The following PCED1B variants were observed in gnomAD, a reference collection of about 807,000 sequenced individuals.
The protein encoded by PCED1B is PC-esterase domain containing 1B.
For synonymous variants in PCED1B, 251 were observed against 246.1 expected, an observed-to-expected ratio of 1.02 and a Z score of -0.19; for missense variants, 573 against 573.9, an observed-to-expected ratio of 1.00 and a Z score of 0.02.
chr12:47,210,362 CAAAAT>C (rs1943039755), intron 2 of PCED1B: 1 of 152,104 alleles, frequency 6.6e-6, no homozygotes, highest in Admixed American at 6.6e-5. Context: ...TCATGACTAA[CAAAAT>C]AGAATATTGA....
chr12:47,140,164 TC>T (rs1408786142), intron 2 of PCED1B, among the ~76,000 whole-genome samples: 1 of 152,224 alleles, frequency 6.6e-6, no homozygotes, highest in East Asian at 1.9e-4. Context: ...ATTTTGCTTA[TC>T]AAATAATCTA....
At chr12:47,095,000 G>A (rs1414971142) in intron 1 of PCED1B, among the ~76,000 whole-genome samples, 2 of 149,772 alleles carry the variant, frequency 1.3e-5, no homozygotes, top group African/African-American at 2.5e-5. Flanking sequence ...TCAACCTCCT[G>A]GGCTCAAGCA....
intron 1 of PCED1B, among the ~76,000 whole-genome samples, chr12:47,088,650 G>C (rs561294420): frequency 6.6e-6 from 1 of 152,288 alleles, no homozygotes; most frequent in East Asian, 1.9e-4. Flanking sequence ...CTTGCCTCTT[G>C]CATTGTGATA....
At chr12:47,143,217 G>T (rs978068675) in intron 2 of PCED1B, among the ~76,000 whole-genome samples, 1 of 152,070 alleles carries the variant, frequency 6.6e-6, no homozygotes, top group Non-Finnish European at 1.5e-5. Flanking sequence ...CCTAGCCAGA[G>T]CAGTTAGGCA....
chr12:47,116,555 A>C (rs1460905294), intron 2 of PCED1B, among the ~76,000 whole-genome samples: 1 of 152,136 alleles, frequency 6.6e-6, no homozygotes, highest in East Asian at 1.9e-4. Context: ...TGTCATATAC[A>C]TTTTGTCCCA....
chr12:47,233,243 G>A (rs1174027599), intron 3 of PCED1B, among the ~76,000 whole-genome samples: 2 of 151,872 alleles, frequency 1.3e-5, no homozygotes, highest in Non-Finnish European at 2.9e-5. Context: ...TGCAAGCTCC[G>A]CCTCCTGGGC....
At chr12:47,219,206 A>G (rs1943398901) in intron 3 of PCED1B, among the ~76,000 whole-genome samples, 1 of 152,232 alleles carries the variant, frequency 6.6e-6, no homozygotes. Context: ...TTTAAATACT[A>G]CAAAAATGGT....
chr12:47,114,071 G>A (rs1178245600), intron 2 of PCED1B, among the ~76,000 whole-genome samples: 1 of 152,124 alleles, frequency 6.6e-6, no homozygotes, highest in Non-Finnish European at 1.5e-5. Flanking sequence ...TGGGAATCTA[G>A]GACTTAGATA....
At chr12:47,230,274 C>T (rs773842622) in intron 3 of PCED1B, among the ~76,000 whole-genome samples, 2 of 150,468 alleles carry the variant, frequency 1.3e-5, no homozygotes, top group African/African-American at 2.5e-5. Flanking sequence ...TTAGTAGAGA[C>T]GGGGTTTCAC....
intron 2 of PCED1B, among the ~76,000 whole-genome samples, chr12:47,164,203 A>G (rs565984514): frequency 6.6e-6 from 1 of 152,326 alleles, no homozygotes; most frequent in African/African-American, 2.4e-5. Flanking sequence ...ACTTGTTCCC[A>G]ATAGTTTCAA....
At chr12:47,112,385 G>T (rs1939237194) in intron 2 of PCED1B, among the ~76,000 whole-genome samples, 1 of 152,156 alleles carries the variant, frequency 6.6e-6, no homozygotes, top group Non-Finnish European at 1.5e-5. Context: ...TTTTAAGTAA[G>T]ATCCATTTTA....
At chr12:47,216,795 T>A (rs970632958) in intron 3 of PCED1B, 106 bp downstream of exon 3, 1 of 152,244 alleles carries the variant, frequency 6.6e-6, no homozygotes, top group Non-Finnish European at 1.5e-5. Flanking sequence ...TAGACAGGAA[T>A]CAGCACCCTA....
chr12:47,153,248 G>A (rs1941065579), intron 2 of PCED1B, among the ~76,000 whole-genome samples: 1 of 151,252 alleles, frequency 6.6e-6, no homozygotes, highest in Non-Finnish European at 1.5e-5. Flanking sequence ...TACTTGGGAG[G>A]CTGAGGCAGG....
intron 2 of PCED1B, among the ~76,000 whole-genome samples, chr12:47,198,256 A>G (rs1942665523): frequency 6.6e-6 from 1 of 152,200 alleles, no homozygotes; most frequent in African/African-American, 2.4e-5. Flanking sequence ...AAAATCATTA[A>G]TGTAATTTAT....
At chr12:47,091,396 G>A (rs1485207345) in intron 1 of PCED1B, among the ~76,000 whole-genome samples, 1 of 151,904 alleles carries the variant, frequency 6.6e-6, no homozygotes, top group Non-Finnish European at 1.5e-5. Context: ...TTGACTTGCA[G>A]GTGTTCTTTA....
At chr12:47,154,332 T>C (rs1205473972) in intron 2 of PCED1B, among the ~76,000 whole-genome samples, 1 of 152,196 alleles carries the variant, frequency 6.6e-6, no homozygotes, top group African/African-American at 2.4e-5. Context: ...AAACACTCAT[T>C]TGAATCATGC....
At chr12:47,184,655 C>G (rs114642724) in intron 2 of PCED1B, among the ~76,000 whole-genome samples, 6,099 of 147,154 alleles carry the variant, frequency 0.041, 131 homozygotes, top group Middle Eastern at 0.087. Flanking sequence ...CCTTCTTTTA[C>G]CAAAGACACT....
Position 47,235,150 on chromosome 12 carries a change from A to G in PCED1B, c.87A>G (p.Val29=), listed in dbSNP as rs762826533. 7.0e-6 allele frequency: 11 copies of G among 1,577,562 alleles called. No homozygotes were observed. The South Asian group carries it at 1.3e-4, about 19-fold the overall frequency. Residue 29 remains valine (V), a synonymous_variant, in exon 4 of 4, where the codon GTA becomes GTG. Coordinates refer to ENST00000546455, the MANE Select transcript of PCED1B (RefSeq NM_138371.3). ...VILGDSVHRA[V]YKDLVLLLQK... The stretch of plus-strand genomic sequence containing the variant: ...TGGGGGACTCTGTGCATAGGGCAGT[A>G]TACAAGGACCTGGTGCTTCTGCTGC...
intron 2 of PCED1B, among the ~76,000 whole-genome samples, chr12:47,127,400 G>A (rs921536830): frequency 1.4e-4 from 18 of 132,518 alleles, no homozygotes; most frequent in Admixed American, 1.0e-3. Context: ...AAGAAGTCTC[G>A]CTTTGTAGCC....
Sources: allele counts gnomAD v4.1 joint callset (sites outside exome capture counted in the v4.1 genomes callset), GRCh38; gene constraint gnomAD v4.1.1; transcripts MANE v1.5; gene names NCBI Gene and HGNC (gene_info 2026-07-23, HGNC 2026-07-21).